The following SEM1 variants were observed in gnomAD, a reference collection of about 807,000 sequenced individuals.
The protein encoded by SEM1 is SEM1 26S proteasome subunit, also known as 26S proteasome complex subunit SEM1.
Under a neutral mutation model 12.7 loss-of-function variants are expected in SEM1, and 3 were observed. The ratio of observed to expected loss-of-function variants is 0.24; its 90% CI spans 0.11 to 0.61. The LOEUF (loss-of-function observed/expected upper bound fraction) is 0.61, where lower values mean the gene tolerates loss of function less well. SEM1 is among the 20% of genes least tolerant of loss of function. The pLI is 0.88. For synonymous variants in SEM1, 30 were observed against 27.8 expected (o/e 1.08, Z -0.25); for missense variants, 59 against 81.3 (o/e 0.73, Z 1.06).
chr7:96,568,308 G>A (rs887263416), intron 2 of SEM1, among the ~76,000 whole-genome samples: 1 of 151,576 alleles, frequency 6.6e-6, no homozygotes, highest in Non-Finnish European at 1.5e-5. Context: ...TCTGCACTAA[G>A]GTTCTCAACT....
intron 2 of SEM1, among the ~76,000 whole-genome samples, chr7:96,512,933 AT>A (rs1584726211): frequency 6.6e-6 from 1 of 152,240 alleles, no homozygotes; most frequent in East Asian, 1.9e-4. Flanking sequence ...CGTTTTCTTA[AT>A]TGCTTTCATT....
chr7:96,563,452 A>G (rs1345987809), intron 2 of SEM1, among the ~76,000 whole-genome samples: 1 of 152,182 alleles, frequency 6.6e-6, no homozygotes, highest in Non-Finnish European at 1.5e-5. Flanking sequence ...AAAGCTAACA[A>G]TCATAAATAT....
intron 2 of SEM1, among the ~76,000 whole-genome samples, chr7:96,588,387 C>G (rs776678805): frequency 0.25 from 17,055 of 67,368 alleles, 953 homozygotes; most frequent in Non-Finnish European, 0.3. Flanking sequence ...CACACACACA[C>G]ACACACACAC....
chr7:96,603,570 A>G (rs1359947066), intron 2 of SEM1, among the ~76,000 whole-genome samples: 1 of 152,202 alleles, frequency 6.6e-6, no homozygotes, highest in Non-Finnish European at 1.5e-5. Context: ...GTGTACGCAC[A>G]TAAAAAAGGT....
At chr7:96,622,373 A>G (rs1245877950), downstream of SEM1, 7 of 510,432 alleles carry the variant, frequency 1.4e-5, no homozygotes, top group Non-Finnish European at 2.1e-5. Context: ...GAGCTTTGAG[A>G]CACAGAATGA....
chr7:96,663,919 A>G (rs1789086164), intron 2 of SEM1, among the ~76,000 whole-genome samples: 1 of 152,254 alleles, frequency 6.6e-6, no homozygotes, highest in African/African-American at 2.4e-5. Flanking sequence ...CAGTAACAAG[A>G]TAAAAATTAA....
At chr7:96,519,074 G>A (rs1804187722) in intron 2 of SEM1, among the ~76,000 whole-genome samples, 2 of 152,132 alleles carry the variant, frequency 1.3e-5, no homozygotes, top group South Asian at 4.1e-4. Flanking sequence ...TGGAGGGGGT[G>A]AAGCATTTCA....
intron 2 of SEM1, among the ~76,000 whole-genome samples, chr7:96,678,971 A>G (rs1789523950): frequency 6.6e-6 from 1 of 152,108 alleles, no homozygotes; most frequent in Non-Finnish European, 1.5e-5. Flanking sequence ...ATAGACTTGT[A>G]TCAAATGGTG....
intron 2 of SEM1, among the ~76,000 whole-genome samples, chr7:96,690,353 T>C (rs1029145018): frequency 4.6e-5 from 7 of 152,170 alleles, no homozygotes; most frequent in African/African-American, 1.4e-4. Context: ...TAATGGGAGG[T>C]GGCTGGTCAC....
intron 2 of SEM1, among the ~76,000 whole-genome samples, chr7:96,599,737 G>A (rs1381201000): frequency 3.3e-5 from 5 of 152,094 alleles, no homozygotes; most frequent in African/African-American, 9.7e-5. Context: ...TGGGGTCAGC[G>A]CCCTGGCCTG....
intron 2 of SEM1, among the ~76,000 whole-genome samples, chr7:96,645,189 A>T (rs1044269522): frequency 1.3e-5 from 2 of 152,160 alleles, no homozygotes; most frequent in Non-Finnish European, 2.9e-5. Flanking sequence ...TCAATGATCA[A>T]TAAGTTAATA....
At chr7:96,703,164 A>G (rs755753104) in intron 1 of SEM1, among the ~76,000 whole-genome samples, 3 of 152,202 alleles carry the variant, frequency 2.0e-5, no homozygotes, top group Non-Finnish European at 4.4e-5. Context: ...AAATACTTGC[A>G]TTATATATTT....
At chr7:96,674,780 GGGCCAGA>G (rs1789410316) in intron 2 of SEM1, among the ~76,000 whole-genome samples, 1 of 152,154 alleles carries the variant, frequency 6.6e-6, no homozygotes, top group African/African-American at 2.4e-5. Flanking sequence ...ACCCTGTGCT[GGGCCAGA>G]AATTTTGTGC....
intron 2 of SEM1, among the ~76,000 whole-genome samples, chr7:96,515,585 A>G (rs1323925696): frequency 6.6e-6 from 1 of 152,202 alleles, no homozygotes; most frequent in Admixed American, 6.5e-5. Context: ...ACATATGTTT[A>G]TTGCAGCACT....
At chr7:96,526,215 A>G (rs983252732) in intron 2 of SEM1, among the ~76,000 whole-genome samples, 2 of 152,220 alleles carry the variant, frequency 1.3e-5, no homozygotes, top group East Asian at 3.9e-4. Flanking sequence ...TCAGACATTG[A>G]TATGACTTTT....
At position 96,501,613 on chromosome 7, in the gene SEM1, T is replaced by C. The variant is rs536080471; in HGVS notation, c.*60+5010A>G. On this transcript the variant is annotated intron_variant and NMD_transcript_variant, in intron 3 of 3. Transcript: ENST00000466986. ...ACCTGTCATTGAGCACACTGAACTA[T>C]GTTAACTAAAATTTATTGGATGTTT... 4.6e-5 allele frequency among the ~76,000 whole-genome samples: 7 copies of C among 152,328 alleles called. No homozygotes were observed. In the East Asian group the frequency reaches 7.7e-4, roughly 17 times the overall value.
intron 2 of SEM1, among the ~76,000 whole-genome samples, chr7:96,531,896 C>T (rs1804653884): frequency 6.6e-6 from 1 of 152,044 alleles, no homozygotes; most frequent in Non-Finnish European, 1.5e-5. Flanking sequence ...ATTTTTATCA[C>T]TTTCATTTTT....
At chr7:96,632,780 T>TTCTG (rs1370610160) in intron 2 of SEM1, among the ~76,000 whole-genome samples, 1 of 103,854 alleles carries the variant, frequency 9.6e-6, no homozygotes, top group African/African-American at 2.9e-5. Flanking sequence ...TTTTGTTGTT[T>TTCTG]TTTGTTTTTT....
At chr7:96,582,122 T>C (rs1313959094) in intron 2 of SEM1, among the ~76,000 whole-genome samples, 1 of 150,864 alleles carries the variant, frequency 6.6e-6, no homozygotes, top group Non-Finnish European at 1.5e-5. Flanking sequence ...CATAGATAGC[T>C]CTTATTATTT....
Sources: allele counts gnomAD v4.1 joint callset (sites outside exome capture counted in the v4.1 genomes callset), GRCh38; gene constraint gnomAD v4.1.1; transcripts MANE v1.5; gene names NCBI Gene and HGNC (gene_info 2026-07-23, HGNC 2026-07-21).